Variants in PRRT3 observed in about 807,000 individuals in gnomAD.
The protein encoded by PRRT3 is proline rich transmembrane protein 3.
In PRRT3, 48 loss-of-function variants were observed where a neutral mutation model predicts 56.6. The observed-to-expected ratio is 0.85, with a 90% CI of 0.67 to 1.08. PRRT3 has a LOEUF of 1.08. PRRT3 is among the 50% of genes least tolerant of loss of function. The pLI, the probability that PRRT3 is intolerant of heterozygous loss-of-function variation, is 0.00. For missense variants in PRRT3, 1,370 were observed against 1,353.1 expected, an observed-to-expected ratio of 1.01 and a Z score of -0.20; for synonymous variants, 641 against 619.1, an observed-to-expected ratio of 1.04 and a Z score of -0.52.
rs1261598910 is a variant in PRRT3, at chr3:9,947,053, G to A, written c.2120C>T (p.Thr707Met). 3 of 1,534,732 alleles carry A rather than the reference G, an allele frequency of 2.0e-6. No homozygotes were observed. Among genetic ancestry groups the A allele is most frequent in the Middle Eastern group, 1.7e-4 (1 of 5,914 alleles). The change falls in exon 4 of 4, where the codon ACG becomes ATG. Residue 707 changes from threonine to methionine, a missense_variant. Coordinates refer to ENST00000412055, the MANE Select transcript of PRRT3 (RefSeq NM_207351.5). The surrounding 1 kb of genome is among the most constrained non-coding windows in gnomAD (Gnocchi z 9.2). ...CAGCTTAGCCCAGCAAGCGTGCTCC[G>A]TGGGCGGCCTGGGTCTCGCGGCAGC... is the stretch of plus-strand genomic sequence containing the variant. ...AVAAARPRPP[T>M]EHACWAKLMR...
chr3:9,950,864 G>A (rs1345779909), intron 1 of PRRT3, among the ~76,000 whole-genome samples: 1 of 152,194 alleles, frequency 6.6e-6, no homozygotes, highest in Admixed American at 6.5e-5. Context: ...AGAGGAATAT[G>A]CACCGGCCTT....
rs1265816606 is a variant in PRRT3, at chr3:9,949,560, C to G, written c.556G>C (p.Glu186Gln). Residue 186 changes from glutamate (E) to glutamine (Q), a missense_variant, in exon 2 of 4, where the codon GAG becomes CAG. Coordinates refer to ENST00000412055, the MANE Select transcript of PRRT3 (RefSeq NM_207351.5). The surrounding 1 kb of genome is among the most constrained non-coding windows in gnomAD (Gnocchi z 4.5). ...CTCTTAGTTTTGGCCTTCAGACCCT[C>G]ATCTCTAGGTGGCCACTGTCCCTCT... ...GQEGQWPPRD[E>Q]GLKAKTKSRV... 6.2e-7 allele frequency: 1 copy of G among 1,614,116 alleles called. No individual in the cohort carries two copies. Among genetic ancestry groups the G allele is most frequent in the Non-Finnish European group, 8.5e-7 (1 of 1,180,042 alleles).
Position 9,947,472 on chromosome 3 carries a change from C to A in PRRT3, c.1701G>T (p.Pro567=), listed in dbSNP as rs1464929096. Reference sequence around the variant, plus strand: ...CTCCCAGCAGGAGTGGGTTTTGCAGCGGTGGCGGCAGCCCCGCGCCCAGGC... The same window carrying A: ...CTCCCAGCAGGAGTGGGTTTTGCAGAGGTGGCGGCAGCCCCGCGCCCAGGC... ...LLGLGAGLPP[P]LQNPLLLGAV... Residue 567 remains proline, a synonymous_variant, in exon 4 of 4, where the codon CCG becomes CCT. Transcript: ENST00000412055. This position sits in a 1 kb window ranked among gnomAD's most constrained non-coding sequence, Gnocchi z 9.2. 5 of 1,612,280 alleles carry A rather than the reference C, an allele frequency of 3.1e-6. No individual in the cohort carries two copies. Among genetic ancestry groups the A allele is most frequent in the Non-Finnish European group, 4.2e-6 (5 of 1,179,662 alleles).
chr3:9,950,044 A>T lies in PRRT3; in HGVS notation c.72T>A (p.Pro24=). 2 of 1,519,988 alleles carry T rather than the reference A, an allele frequency of 1.3e-6. No homozygotes were observed. The highest frequency in any genetic ancestry group is 4.5e-5 in the East Asian group (2 of 44,128). 94.2% of individuals were successfully genotyped at this position (1,519,988 alleles called of 1,614,324 possible). A position where few individuals can be genotyped will look rare whatever the true frequency, so the allele number is the denominator to read the frequency against. The part of the protein sequence containing the change: ...LLLLPLLGTG[P]ALGRGFPRPL... ...GCCTGGGAAAGCCCCTCCCCAGGGCAGGGCCAGTCCCCAGGAGTGGCAGCA... is the reference window on the plus strand; with the variant it reads ...GCCTGGGAAAGCCCCTCCCCAGGGCTGGGCCAGTCCCCAGGAGTGGCAGCA... Residue 24 remains proline, a synonymous_variant, in exon 2 of 4, where the codon CCT becomes CCA. Transcript: ENST00000412055.
chr3:9,947,589 C>A lies in PRRT3; in HGVS notation c.1584G>T (p.Ser528=). 1.3e-6 allele frequency: 2 copies of A among 1,575,652 alleles called. No individual in the cohort carries two copies. The highest frequency in any genetic ancestry group is 1.7e-6 in the Non-Finnish European group (2 of 1,164,642). ...SAYMLTDPYG[S]QARLGVRGGL... is the part of the protein sequence containing the mutation. The stretch of plus-strand genomic sequence containing the variant: ...CCCCGCGAACGCCCAGCCGCGCCTG[C>A]GAGCCGTAAGGGTCGGTAAGCATGT... Residue 528 remains serine (S), a synonymous_variant, in exon 4 of 4, where the codon TCG becomes TCT. Coordinates refer to ENST00000412055, the MANE Select transcript of PRRT3 (RefSeq NM_207351.5). This position sits in a 1 kb window ranked among gnomAD's most constrained non-coding sequence, Gnocchi z 9.2.
chr3:9,951,119 A>G (rs1171364558), intron 1 of PRRT3, among the ~76,000 whole-genome samples: 2 of 152,060 alleles, frequency 1.3e-5, no homozygotes, highest in Non-Finnish European at 2.9e-5. Flanking sequence ...GTCTGATTCT[A>G]TAATAATCTC....
In PRRT3 at chr3:9,946,477, G is replaced by A. The variant is rs1399867650; in HGVS notation, c.2696C>T (p.Ala899Val). 2.6e-6 allele frequency: 4 copies of A among 1,557,520 alleles called. No individual in the cohort carries two copies. In the South Asian group the frequency reaches 4.7e-5, roughly 18 times the overall value. Reference sequence around the variant, plus strand: ...GAAGCTGTCGAGGGAGCTGCCAGAAGCCGCAGCGGCTGCCCCGTCGGGTGC... The same window carrying A: ...GAAGCTGTCGAGGGAGCTGCCAGAAACCGCAGCGGCTGCCCCGTCGGGTGC... ...VEAPDGAAAAASGSSLDSFSR... is the reference protein window; with the variant it reads ...VEAPDGAAAAVSGSSLDSFSR... Residue 899 changes from alanine (A) to valine (V), a missense_variant, in exon 4 of 4, where the codon GCT becomes GTT. By Grantham distance (64) the Ala-to-Val change is moderately conservative (BLOSUM62 0). Transcript: ENST00000412055. This position sits in a 1 kb window ranked among gnomAD's most constrained non-coding sequence, Gnocchi z 4.1.
In PRRT3 at chr3:9,946,952, T is replaced by A; in HGVS notation, c.2221A>T (p.Ser741Cys). The change falls in exon 4 of 4, where the codon AGC (serine) becomes TGC (cysteine). Residue 741 changes from serine (S) to cysteine (C), a missense_variant. Transcript: ENST00000412055. This position sits in a 1 kb window ranked among gnomAD's most constrained non-coding sequence, Gnocchi z 4.1. ...ERPNNCYAGP[S>C]NVGAGSLDIS... ...TCCAAGCTGCCTGCACCAACGTTGC[T>A]GGGCCCTGCATAGCAGTTATTGGGT... 1 of 1,542,896 alleles carries A rather than the reference T, an allele frequency of 6.5e-7. No homozygotes were observed. Among genetic ancestry groups the A allele is most frequent in the Non-Finnish European group, 8.7e-7 (1 of 1,149,304 alleles).
Position 9,948,764 on chromosome 3 carries a change from G to A in PRRT3, c.1165C>T (p.Gln389Ter). The A allele has an allele frequency of 6.2e-7, 1 of 1,613,944 alleles. No homozygotes were observed. Among genetic ancestry groups the A allele is most frequent in the Non-Finnish European group, 8.5e-7 (1 of 1,179,966 alleles). The change falls in exon 3 of 4, where the codon CAG becomes TAG. Residue 389 changes from glutamine (Q) to a stop codon, truncating the protein, a stop_gained. Transcript: ENST00000412055. LOFTEE classifies it high-confidence loss of function. Reference sequence around the variant, plus strand: ...ACCCCAGCCATGCTCTCACCTGGCTGCAGGGCCCCCATGGGGCTCTCTGTT... The same window carrying A: ...ACCCCAGCCATGCTCTCACCTGGCTACAGGGCCCCCATGGGGCTCTCTGTT... ...NRTESPMGAL[Q>*]PDEAEEWPGR...
At position 9,946,714 on chromosome 3, in the gene PRRT3, A is replaced by G; in HGVS notation, c.2459T>C (p.Leu820Pro). ...INLSRSIDAALFREHLVRDSV... is the reference protein window; with the variant it reads ...INLSRSIDAAPFREHLVRDSV... The stretch of plus-strand genomic sequence containing the variant: ...GTCTCGCACTAGGTGCTCGCGGAAG[A>G]GCGCGGCGTCGATGCTGCGGCTCAG... The change falls in exon 4 of 4, where the codon CTC (leucine) becomes CCC (proline). Residue 820 changes from leucine to proline, a missense_variant. Coordinates refer to ENST00000412055, the MANE Select transcript of PRRT3 (RefSeq NM_207351.5). The surrounding 1 kb of genome is among the most constrained non-coding windows in gnomAD (Gnocchi z 4.1). The G allele has an allele frequency of 1.4e-6, 2 of 1,480,298 alleles. No homozygotes were observed. The highest frequency in any genetic ancestry group is 2.4e-5 in the East Asian group (1 of 41,084). 91.7% of individuals were successfully genotyped at this position (1,480,298 alleles called of 1,614,324 possible). A position where few individuals can be genotyped will look rare whatever the true frequency, so the allele number is the denominator to read the frequency against.
chr3:9,948,072 T>C (rs754189554), intron 3 of PRRT3, 71 bp from the exon 4 acceptor site: 51 of 1,263,242 alleles, frequency 4.0e-5, no homozygotes, highest in African/African-American at 9.3e-5. Flanking sequence ...TCTAGTGTGG[T>C]TGGCAAGTCA....
chr3:9,948,693 C>G, intron 3 of PRRT3, 65 bp downstream of exon 3: 1 of 1,583,148 alleles, frequency 6.3e-7, no homozygotes, highest in Non-Finnish European at 8.7e-7. Context: ...CCATACATCC[C>G]CAACAGAGGT....
chr3:9,946,140 T>G lies in PRRT3; in HGVS notation c.*87A>C. ...CGTGAGCCACCGCGCCTGGCCAGGA[T>G]GCCCATTTTTTAAAGGCTCAACTGT... On this transcript the variant is annotated 3_prime_UTR_variant, in exon 4 of 4. Coordinates refer to ENST00000412055, the MANE Select transcript of PRRT3 (RefSeq NM_207351.5). This position sits in a 1 kb window ranked among gnomAD's most constrained non-coding sequence, Gnocchi z 4.1. 3 of 1,491,542 alleles carry G rather than the reference T, an allele frequency of 2.0e-6. No individual in the cohort carries two copies. The highest frequency in any genetic ancestry group is 2.7e-6 in the Non-Finnish European group (3 of 1,119,678). 92.4% of individuals were successfully genotyped at this position (1,491,542 alleles called of 1,614,324 possible). A position where few individuals can be genotyped will look rare whatever the true frequency, so the allele number is the denominator to read the frequency against.
chr3:9,948,137 C>T (rs2085561455), intron 3 of PRRT3, 136 bp from the exon 4 acceptor site: 1 of 923,694 alleles, frequency 1.1e-6, no homozygotes, highest in African/African-American at 1.7e-5. Context: ...TGCCTCATTG[C>T]GTTGTGAAGA....
In PRRT3 at chr3:9,949,715, T is replaced by C. The variant is rs768010191; in HGVS notation, c.401A>G (p.Gln134Arg). The C allele has an allele frequency of 1.9e-6, 3 of 1,614,008 alleles. No individual in the cohort carries two copies. Among genetic ancestry groups the C allele is most frequent in the East Asian group, 4.5e-5 (2 of 44,886 alleles). ...CACTGCTTCTTGCTGCAGAAGCTCT[T>C]GTGAGTCCAGAGGTCCTGTCCAGCC... ...SHGWTGPLDS[Q>R]ELLQQEAVAP... is the part of the protein sequence containing the mutation. Residue 134 changes from glutamine (Q) to arginine (R), a missense_variant, in exon 2 of 4, where the codon CAA becomes CGA. Coordinates refer to ENST00000412055, the MANE Select transcript of PRRT3 (RefSeq NM_207351.5). This position sits in a 1 kb window ranked among gnomAD's most constrained non-coding sequence, Gnocchi z 4.5.
In PRRT3 at chr3:9,948,857, C is replaced by G; in HGVS notation, c.1072G>C (p.Val358Leu). The G allele has an allele frequency of 6.2e-7, 1 of 1,610,148 alleles. No individual in the cohort carries two copies. Among genetic ancestry groups the G allele is most frequent in the Non-Finnish European group, 8.5e-7 (1 of 1,177,906 alleles). The change falls in exon 3 of 4, where the codon GTG becomes CTG. Residue 358 changes from valine to leucine, a missense_variant. Physicochemically the swap from Val to Leu is conservative, Grantham distance 32. Transcript: ENST00000412055. ...PISPQRVRGA[V>L]EAPGTPKSLI... is the part of the protein sequence containing the mutation. ...GACTTGGGGGTGCCTGGGGCCTCCA[C>G]AGCTCCTCTCACCCGCTGGGGGGAG...
chr3:9,946,209 C>T lies in PRRT3; in HGVS notation c.*18G>A, dbSNP rs763517391. The T allele has an allele frequency of 1.9e-6, 3 of 1,607,224 alleles. No individual in the cohort carries two copies. In the African/African-American group the frequency reaches 4.0e-5, roughly 22 times the overall value. On this transcript the variant is annotated 3_prime_UTR_variant, in exon 4 of 4. Transcript: ENST00000412055. The surrounding 1 kb of genome is among the most constrained non-coding windows in gnomAD (Gnocchi z 4.1). ...GTGGGCATCGGGCAGGGTCCTGGCC[C>T]TGCGTCAGGACCGCTCTTCAAAGCT...
chr3:9,945,821 C>CCTTTTT lies in PRRT3; in HGVS notation c.*405_*406insAAAAAG, dbSNP rs2085504800. 1 of 56,980 alleles carries CCTTTTT rather than the reference C, an allele frequency of 1.8e-5. No homozygotes were observed. The highest frequency in any genetic ancestry group is 6.4e-5 in the African/African-American group (1 of 15,606). 3.5% of individuals were successfully genotyped at this position (56,980 alleles called of 1,614,324 possible). ...GTCAGGTAGAGAGGCCTGGGGATGC[C>CCTTTTT]TTTTTTTTTTTTTTTTTTTTTTTTT... On this transcript the variant is annotated 3_prime_UTR_variant, in exon 4 of 4. Transcript: ENST00000412055.
In PRRT3 at chr3:9,947,727, A is replaced by G. The variant is rs760800136; in HGVS notation, c.1446T>C (p.Phe482=). Residue 482 remains phenylalanine, a synonymous_variant, in exon 4 of 4, where the codon TTT becomes TTC. Coordinates refer to ENST00000412055, the MANE Select transcript of PRRT3 (RefSeq NM_207351.5). The surrounding 1 kb of genome is among the most constrained non-coding windows in gnomAD (Gnocchi z 9.2). ...ELHVYGVGVL[F]LLPALLALAA... ...CCAGCGCCAACAACGCGGGCAGCAG[A>G]AAGAGTACCCCCACCCCGTAGACGT... 6.4e-7 allele frequency: 1 copy of G among 1,561,088 alleles called. No homozygotes were observed. Among genetic ancestry groups the G allele is most frequent in the Non-Finnish European group, 8.6e-7 (1 of 1,157,354 alleles).
Sources: allele counts gnomAD v4.1 joint callset (sites outside exome capture counted in the v4.1 genomes callset), GRCh38; gene constraint gnomAD v4.1.1; non-coding constraint Gnocchi (gnomAD v3.1); transcripts MANE v1.5; gene names NCBI Gene and HGNC (gene_info 2026-07-23, HGNC 2026-07-21).